Variants in NRG3 observed in about 807,000 individuals in gnomAD.
The protein encoded by NRG3 is pro-neuregulin-3, membrane-bound isoform.
Under a neutral mutation model 66.9 loss-of-function variants are expected in NRG3, and 31 were observed. The observed-to-expected ratio is 0.46, with a 90% CI of 0.35 to 0.63. The LOEUF is 0.63. Among genes scored for constraint, NRG3 ranks in the 20% least tolerant of loss-of-function variants. NRG3 has a pLI of 0.00. For synonymous variants in NRG3, 393 were observed against 359.4 expected (o/e 1.09, Z -1.06); for missense variants, 910 against 878.9 (o/e 1.04, Z -0.45).
chr10:82,394,305 G>A (rs1040646429), intron 2 of NRG3, among the ~76,000 whole-genome samples: 32 of 152,200 alleles, frequency 2.1e-4, no homozygotes, highest in African/African-American at 7.5e-4. Flanking sequence ...GGGCACCCGC[G>A]AGGCTTGAGA....
intron 2 of NRG3, among the ~76,000 whole-genome samples, chr10:82,432,016 C>A (rs931831110): frequency 6.6e-6 from 1 of 152,102 alleles, no homozygotes; most frequent in African/African-American, 2.4e-5. Flanking sequence ...AGGTTTATAG[C>A]ATATTTTTTA....
At chr10:82,416,450 T>G (rs1042250744) in intron 2 of NRG3, among the ~76,000 whole-genome samples, 11 of 152,166 alleles carry the variant, frequency 7.2e-5, no homozygotes, top group Non-Finnish European at 1.3e-4. Flanking sequence ...TGTAAGTTCA[T>G]GTATAAGCAT....
At chr10:82,445,708 C>T (rs1291527338) in intron 2 of NRG3, among the ~76,000 whole-genome samples, 1 of 152,152 alleles carries the variant, frequency 6.6e-6, no homozygotes, top group Non-Finnish European at 1.5e-5. Context: ...GGAGCCAGGT[C>T]CTTTTCTCCT....
chr10:82,547,102 G>C (rs927464546), intron 2 of NRG3, among the ~76,000 whole-genome samples: 2 of 152,046 alleles, frequency 1.3e-5, no homozygotes, highest in African/African-American at 2.4e-5. Context: ...GTCAGCACAT[G>C]AGCCATATTT....
intron 2 of NRG3, among the ~76,000 whole-genome samples, chr10:82,583,745 G>T (rs2046502127): frequency 6.6e-6 from 1 of 152,160 alleles, no homozygotes; most frequent in Non-Finnish European, 1.5e-5. Flanking sequence ...CCACTCGGTT[G>T]AGTGCTCTGC....
intron 4 of NRG3, among the ~76,000 whole-genome samples, chr10:82,905,095 A>T (rs1591901535): frequency 6.6e-6 from 1 of 152,220 alleles, no homozygotes; most frequent in Non-Finnish European, 1.5e-5. Flanking sequence ...GTAGCATTTT[A>T]AAAAGGAAGT....
intron 1 of NRG3, among the ~76,000 whole-genome samples, chr10:82,303,387 C>A (rs949569800): frequency 1.3e-5 from 2 of 151,158 alleles, no homozygotes; most frequent in Non-Finnish European, 2.9e-5. Context: ...CCACTCTTCC[C>A]CCTTATCCTC....
rs77495194 is a variant in NRG3 at position 82,522,719 on chromosome 10, C to T, written c.953+163851C>T. Among the ~76,000 whole-genome samples, 987 of 151,472 alleles carry T rather than the reference C, an allele frequency of 6.5e-3. 9 individuals carry two copies. Among genetic ancestry groups the T allele is most frequent in the Non-Finnish European group, 0.011 (723 of 67,884 alleles). ...CTGTTTACTAAAAAAAAAAAAAAGT[C>T]ATTGTTTATCTGAAATTCAATTTAA... is the stretch of plus-strand genomic sequence containing the variant. On this transcript the variant is annotated intron_variant, in intron 2 of 8. Coordinates refer to ENST00000372141, the MANE Select transcript of NRG3 (RefSeq NM_001010848.4).
chr10:82,738,721 C>A, intron 3 of NRG3, 71 bp downstream of exon 3: 1 of 1,299,314 alleles, frequency 7.7e-7, no homozygotes, highest in Non-Finnish European at 1.1e-6. Context: ...TGGTTGTTAA[C>A]TCAGCTGAAA....
chr10:82,501,961 A>G (rs1305911511), intron 2 of NRG3, among the ~76,000 whole-genome samples: 1 of 152,152 alleles, frequency 6.6e-6, no homozygotes. Flanking sequence ...TGCCTGGCAC[A>G]TAACATAGGA....
At chr10:82,564,851 A>G (rs1329705157) in intron 2 of NRG3, among the ~76,000 whole-genome samples, 2 of 152,154 alleles carry the variant, frequency 1.3e-5, no homozygotes, top group Admixed American at 1.3e-4. Flanking sequence ...TACTCTTTGT[A>G]ATATAGAAAG....
At chr10:81,981,889 C>T in intron 1 of NRG3, among the ~76,000 whole-genome samples, 1 of 152,130 alleles carries the variant, frequency 6.6e-6, no homozygotes, top group Admixed American at 6.5e-5. Context: ...CTGATATAAG[C>T]CCATATTTAT....
chr10:82,014,892 A>G (rs1453566582), intron 1 of NRG3, among the ~76,000 whole-genome samples: 1 of 152,186 alleles, frequency 6.6e-6, no homozygotes, highest in Non-Finnish European at 1.5e-5. Flanking sequence ...TAAATTGGCC[A>G]GCAAGGAACA....
At chr10:82,727,930 A>T (rs1285094186) in intron 2 of NRG3, among the ~76,000 whole-genome samples, 1 of 152,076 alleles carries the variant, frequency 6.6e-6, no homozygotes, top group Non-Finnish European at 1.5e-5. Context: ...GTCAAAGGAG[A>T]TCATTTTGGA....
intron 4 of NRG3, among the ~76,000 whole-genome samples, chr10:82,865,650 G>A (rs2135949402): frequency 6.6e-6 from 1 of 152,252 alleles, no homozygotes; most frequent in East Asian, 1.9e-4. Context: ...GTTAAATGCA[G>A]TGTCTGGAAT....
At chr10:81,909,077 A>G (rs1292680621) in intron 1 of NRG3, among the ~76,000 whole-genome samples, 1 of 152,180 alleles carries the variant, frequency 6.6e-6, no homozygotes. Flanking sequence ...TCTCCCTCTG[A>G]AGGCTCTAGG....
chr10:82,720,819 ATATAT>A (rs2057266351), intron 2 of NRG3, among the ~76,000 whole-genome samples: 1 of 29,006 alleles, frequency 3.4e-5, no homozygotes, highest in East Asian at 2.3e-3. Flanking sequence ...ACATATATAT[ATATAT>A]ATATATATAT....
At chr10:81,990,130 GT>G (rs1564717055) in intron 1 of NRG3, among the ~76,000 whole-genome samples, 2 of 152,092 alleles carry the variant, frequency 1.3e-5, no homozygotes, top group African/African-American at 2.4e-5. Flanking sequence ...GTGATTGTCC[GT>G]ATCTTTACTC....
intron 1 of NRG3, among the ~76,000 whole-genome samples, chr10:81,950,240 T>A (rs940239455): frequency 2.6e-5 from 4 of 152,210 alleles, no homozygotes; most frequent in Non-Finnish European, 5.9e-5. Context: ...AGTCATTGTG[T>A]ATATTATGAA....
Sources: allele counts gnomAD v4.1 joint callset (sites outside exome capture counted in the v4.1 genomes callset), GRCh38; gene constraint gnomAD v4.1.1; transcripts MANE v1.5; gene names NCBI Gene and HGNC (gene_info 2026-07-23, HGNC 2026-07-21).